Variants in MEMO1 observed in about 807,000 individuals in gnomAD.
MEMO1 encodes the protein mediator of cell motility 1.
MEMO1 carries 6 observed loss-of-function variants against 45.2 expected under a neutral mutation model. That is an observed-to-expected ratio of 0.13 (90% CI 0.07 to 0.26). The LOEUF is 0.26. MEMO1 is among the 10% of genes least tolerant of loss of function. The probability of loss-of-function intolerance (pLI) is 1.00; values close to 1 mark genes in which losing one functional copy is unlikely to be tolerated. For synonymous variants in MEMO1, 78 were observed against 124.3 expected, an observed-to-expected ratio of 0.63 and a Z score of 2.48; for missense variants, 184 against 370.5, an observed-to-expected ratio of 0.50 and a Z score of 4.13.
intron 2 of MEMO1, among the ~76,000 whole-genome samples, chr2:31,954,599 G>A (rs1365389016): frequency 4.6e-5 from 7 of 152,160 alleles, no homozygotes; most frequent in South Asian, 4.2e-4. Context: ...TTGGGAGGCC[G>A]AGGCAGGCGG....
intron 6 of MEMO1, among the ~76,000 whole-genome samples, chr2:31,906,284 TTTTG>T (rs1403039627): frequency 6.7e-6 from 1 of 148,892 alleles, no homozygotes; most frequent in African/African-American, 2.5e-5. Context: ...AGTGCTATTC[TTTTG>T]TTTTTGTTTT....
chr2:32,001,035 T>C (rs1248602286), intron 2 of MEMO1, among the ~76,000 whole-genome samples: 1 of 142,714 alleles, frequency 7.0e-6, no homozygotes, highest in Non-Finnish European at 1.5e-5. Context: ...AATTTTGATT[T>C]TTTTTTTTTT....
At chr2:31,892,236 A>G in intron 6 of MEMO1, 102 bp from the exon 7 acceptor site, 1 of 989,686 alleles carries the variant, frequency 1.0e-6, no homozygotes, top group East Asian at 2.4e-5. Flanking sequence ...TAATAGTGGT[A>G]AGGATAACAT....
chr2:31,995,429 G>A (rs1209898751), intron 2 of MEMO1, among the ~76,000 whole-genome samples: 1 of 152,030 alleles, frequency 6.6e-6, no homozygotes, highest in Non-Finnish European at 1.5e-5. Flanking sequence ...ACTCCAGCCT[G>A]GGCAATAGAG....
At chr2:31,945,692 C>T (rs1362369814) in intron 2 of MEMO1, among the ~76,000 whole-genome samples, 1 of 152,034 alleles carries the variant, frequency 6.6e-6, no homozygotes, top group African/African-American at 2.4e-5. Flanking sequence ...GAGACGGCAC[C>T]CTTATCTCCC....
At chr2:31,949,791 G>C (rs1666623109) in intron 2 of MEMO1, among the ~76,000 whole-genome samples, 1 of 152,028 alleles carries the variant, frequency 6.6e-6, no homozygotes, top group South Asian at 2.1e-4. Flanking sequence ...ATAAATGATT[G>C]AGGGGATGGA....
At chr2:31,943,138 G>C (rs955897558) in intron 3 of MEMO1, among the ~76,000 whole-genome samples, 164 bp downstream of exon 3, 1 of 152,092 alleles carries the variant, frequency 6.6e-6, no homozygotes. Context: ...GGTGGCACAC[G>C]CCTGTAGTCC....
At chr2:32,006,704 C>T (rs1413176505) in intron 2 of MEMO1, among the ~76,000 whole-genome samples, 3 of 151,930 alleles carry the variant, frequency 2.0e-5, no homozygotes, top group South Asian at 2.1e-4. Flanking sequence ...TGGTGGCTCA[C>T]GCCTGTAATC....
At position 31,887,628 on chromosome 2, in the gene MEMO1, A is replaced by G. The variant is rs137980334; in HGVS notation, c.581-4166T>C. On this transcript the variant is annotated intron_variant, in intron 7 of 9. Transcript: ENST00000404530. ...TTATGTAAGTAGCATCAAATAAGGT[A>G]ATCTCTTTTAAAAGCTAAATACGAT... Among the ~76,000 whole-genome samples, 31 of 152,294 alleles carry G rather than the reference A, an allele frequency of 2.0e-4. No individual in the cohort carries two copies. The East Asian group carries it at 4.0e-3, about 20-fold the overall frequency.
intron 2 of MEMO1, among the ~76,000 whole-genome samples, chr2:31,993,532 G>C (rs1258270522): frequency 6.6e-6 from 1 of 152,196 alleles, no homozygotes; most frequent in African/African-American, 2.4e-5. Flanking sequence ...GAGAAGGCTA[G>C]GTGGCTAGAA....
At chr2:31,964,265 GT>G (rs201061184) in intron 2 of MEMO1, among the ~76,000 whole-genome samples, 35 of 147,622 alleles carry the variant, frequency 2.4e-4, no homozygotes, top group African/African-American at 3.7e-4. Context: ...CACAAACACA[GT>G]TTTTTTTTTA....
intron 2 of MEMO1, among the ~76,000 whole-genome samples, chr2:31,945,900 T>A (rs749881807): frequency 3.3e-5 from 5 of 152,236 alleles, no homozygotes; most frequent in African/African-American, 4.8e-5. Flanking sequence ...GTCCTCTTAC[T>A]TGAACACTAT....
intron 8 of MEMO1, among the ~76,000 whole-genome samples, chr2:31,872,791 G>C (rs1168998198): frequency 6.6e-6 from 1 of 152,148 alleles, no homozygotes; most frequent in Non-Finnish European, 1.5e-5. Context: ...GCTGACACAA[G>C]TGATGGTTTA....
At chr2:31,873,185 T>C (rs182315719) in intron 8 of MEMO1, among the ~76,000 whole-genome samples, 215 of 152,256 alleles carry the variant, frequency 1.4e-3, no homozygotes, top group African/African-American at 5.0e-3. Context: ...TAAGGCCTAG[T>C]ATAGTGAAAA....
At chr2:31,915,889 A>G (rs1435623315) in intron 6 of MEMO1, among the ~76,000 whole-genome samples, 1 of 152,200 alleles carries the variant, frequency 6.6e-6, no homozygotes, top group East Asian at 1.9e-4. Flanking sequence ...TTTACTTAGT[A>G]AAAGATAACT....
intron 2 of MEMO1, among the ~76,000 whole-genome samples, chr2:32,002,226 T>TATGTATATATACATATACATATATAC (rs1673461046): frequency 6.8e-6 from 1 of 146,660 alleles, no homozygotes; most frequent in Non-Finnish European, 1.5e-5. Context: ...TATACGTATA[T>TATGTATATATACATATACATATATAC]GTGTATATAT....
At chr2:31,946,200 C>G (rs1254560930) in intron 2 of MEMO1, among the ~76,000 whole-genome samples, 1 of 152,114 alleles carries the variant, frequency 6.6e-6, no homozygotes, top group Non-Finnish European at 1.5e-5. Flanking sequence ...TTGATATTGT[C>G]AGAATTTTTC....
intron 2 of MEMO1, among the ~76,000 whole-genome samples, chr2:31,973,304 A>ATTAG (rs1558545194): frequency 6.6e-6 from 1 of 152,030 alleles, no homozygotes; most frequent in East Asian, 1.9e-4. Context: ...AAATACAAAA[A>ATTAG]TTAGCCATGT....
chr2:31,895,862 T>G (rs1307798062), intron 6 of MEMO1, among the ~76,000 whole-genome samples: 1 of 143,052 alleles, frequency 7.0e-6, no homozygotes, highest in Non-Finnish European at 1.5e-5. Context: ...TTTTTTTTTT[T>G]GAGACGGAGT....
Sources: allele counts gnomAD v4.1 joint callset (sites outside exome capture counted in the v4.1 genomes callset), GRCh38; gene constraint gnomAD v4.1.1; transcripts MANE v1.5; gene names NCBI Gene and HGNC (gene_info 2026-07-23, HGNC 2026-07-21).